Variants in NKX2-6 observed in about 807,000 individuals in gnomAD.
NKX2-6 encodes the protein NK2 homeobox 6.
Under a neutral mutation model 8.6 loss-of-function variants are expected in NKX2-6, and 8 were observed. That is an observed-to-expected ratio of 0.93 (90% CI 0.54 to 1.67). The LOEUF is 1.67. Among genes scored for constraint, NKX2-6 ranks in the 40% most tolerant of loss-of-function variants. The pLI, the probability that NKX2-6 is intolerant of heterozygous loss-of-function variation, is 0.00. For synonymous variants in NKX2-6, 210 were observed against 199.3 expected (o/e 1.05, Z -0.45); for missense variants, 475 against 423.1 (o/e 1.12, Z -1.08).
intron 1 of NKX2-6, among the ~76,000 whole-genome samples, 194 bp from the exon 2 acceptor site, chr8:23,703,276 T>G (rs1801038714): frequency 6.6e-6 from 1 of 152,208 alleles, no homozygotes. Flanking sequence ...CCCTCCAAGC[T>G]CTGTCACCTT....
Position 23,702,094 on chromosome 8 carries a change from G to A in NKX2-6, c.*357C>T, listed in dbSNP as rs893405773. Among the ~76,000 whole-genome samples, 3 of 152,158 alleles carry A rather than the reference G, an allele frequency of 2.0e-5. No homozygotes were observed. The highest frequency in any genetic ancestry group is 2.9e-5 in the Non-Finnish European group (2 of 68,030). ...CTCCATTCACCGCCGATGCCCCGGGGCTGCTGCGTACAGATGCAAGAGCCT... is the reference window on the plus strand; with the variant it reads ...CTCCATTCACCGCCGATGCCCCGGGACTGCTGCGTACAGATGCAAGAGCCT... On this transcript the variant is annotated 3_prime_UTR_variant, in exon 2 of 2. Coordinates refer to ENST00000325017, the MANE Select transcript of NKX2-6 (RefSeq NM_001136271.3).
intron 1 of NKX2-6, among the ~76,000 whole-genome samples, chr8:23,705,348 G>A (rs1326276881): frequency 6.6e-6 from 1 of 152,192 alleles, no homozygotes; most frequent in Admixed American, 6.5e-5. Flanking sequence ...TATTTCTTTC[G>A]TTCGCGCCTT....
At position 23,706,693 on chromosome 8, in the gene NKX2-6, A is replaced by T; in HGVS notation, c.-95T>A. On this transcript the variant is annotated 5_prime_UTR_variant, in exon 1 of 2. Transcript: ENST00000325017. ...CGCTGCAGGCCCCGCAGACAGACCC[A>T]AGCTCTGGGACAGACGCCCAGCGTC... is the stretch of plus-strand genomic sequence containing the variant. 1 of 1,342,762 alleles carries T rather than the reference A, an allele frequency of 7.4e-7. No homozygotes were observed. Among genetic ancestry groups the T allele is most frequent in the Non-Finnish European group, 1.0e-6 (1 of 1,000,502 alleles). The allele number at this position is 1,342,762 out of a possible 1,614,324, so 83.2% of individuals were successfully genotyped here. A position where few individuals can be genotyped will look rare whatever the true frequency, so the allele number is the denominator to read the frequency against.
At chr8:23,703,156 A>G in intron 1 of NKX2-6, 74 bp from the exon 2 acceptor site, 1 of 1,465,134 alleles carries the variant, frequency 6.8e-7, no homozygotes. Context: ...AGTTTTCAAG[A>G]CTTTCCTCTC....
rs1801091028 is a variant in NKX2-6, at chr8:23,706,391, A to C, written c.208T>G (p.Ser70Ala). 1 of 1,551,178 alleles carries C rather than the reference A, an allele frequency of 6.4e-7. No individual in the cohort carries two copies. ...TCACAGGGACCCCCAGGAGGCTCCGAACCATCCAGCTTTCTGTCACCGCCG... is the reference window on the plus strand; with the variant it reads ...TCACAGGGACCCCCAGGAGGCTCCGCACCATCCAGCTTTCTGTCACCGCCG... ...GGGGDRKLDG[S>A]EPPGGPCEAV... Residue 70 changes from serine (S) to alanine (A), a missense_variant, in exon 1 of 2, where the codon TCG (serine) becomes GCG (alanine). Coordinates refer to ENST00000325017, the MANE Select transcript of NKX2-6 (RefSeq NM_001136271.3).
In NKX2-6 at chr8:23,702,963, G is replaced by A. The variant is rs1234010580; in HGVS notation, c.394C>T (p.Arg132Ter). The change falls in exon 2 of 2, where the codon CGA (arginine) becomes TGA (stop). Residue 132 changes from arginine to a stop codon, truncating the protein, a stop_gained. Transcript: ENST00000325017. LOFTEE classifies it low-confidence loss of function (END_TRUNC). ...GRSEQPKARQ[R>*]RKPRVLFSQA... ...GAAAAGAGCACGCGCGGCTTCCGTC[G>A]TTGCCGCGCCTTGGGCTGCTCCGAG... 1 of 1,546,432 alleles carries A rather than the reference G, an allele frequency of 6.5e-7. No individual in the cohort carries two copies.
At position 23,702,694 on chromosome 8, in the gene NKX2-6, C is replaced by A. The variant is rs1216876728; in HGVS notation, c.663G>T (p.Leu221=). ...PVLVRDGKPC[L]GPGPGAPAFP... ...AGGCAGGTGCGCCGGGCCCGGGGCC[C>A]AGGCAGGGCTTGCCATCGCGCACCA... The change falls in exon 2 of 2, where the codon CTG becomes CTT. Residue 221 remains leucine (L), a synonymous_variant. Transcript: ENST00000325017. The A allele has an allele frequency of 1.4e-5, 21 of 1,551,132 alleles. No individual in the cohort carries two copies. Among genetic ancestry groups the A allele is most frequent in the Non-Finnish European group, 8.7e-7 (1 of 1,146,778 alleles).
At chr8:23,704,146 G>T (rs1029910160) in intron 1 of NKX2-6, among the ~76,000 whole-genome samples, 1 of 152,216 alleles carries the variant, frequency 6.6e-6, no homozygotes, top group Non-Finnish European at 1.5e-5. Flanking sequence ...TGGATGTGAT[G>T]CTTTGTAATC....
In NKX2-6 at chr8:23,703,054, G is replaced by A. The variant is rs1165176375; in HGVS notation, c.303C>T (p.Leu101=). The A allele has an allele frequency of 3.2e-6, 5 of 1,540,232 alleles. No individual in the cohort carries two copies. Among genetic ancestry groups the A allele is most frequent in the Non-Finnish European group, 4.4e-6 (5 of 1,146,180 alleles). ...GCTCTGGCACCCTGGTCCCGCCGCC[G>A]AGGGGCGAGGCCGCGTTCAGGCCGG... ...PQPGLNAASP[L]GGGTRVPERG... Residue 101 remains leucine (L), a synonymous_variant, in exon 2 of 2, where the codon CTC becomes CTT. Coordinates refer to ENST00000325017, the MANE Select transcript of NKX2-6 (RefSeq NM_001136271.3).
chr8:23,705,176 G>A (rs907807411), intron 1 of NKX2-6, among the ~76,000 whole-genome samples: 1 of 152,278 alleles, frequency 6.6e-6, no homozygotes, highest in African/African-American at 2.4e-5. Flanking sequence ...CGGAGCCGAA[G>A]TGATCGCCGA....
At position 23,702,368 on chromosome 8, in the gene NKX2-6, C is replaced by T; in HGVS notation, c.*83G>A. 1 of 1,365,686 alleles carries T rather than the reference C, an allele frequency of 7.3e-7. No individual in the cohort carries two copies. Among genetic ancestry groups the T allele is most frequent in the Non-Finnish European group, 9.6e-7 (1 of 1,041,720 alleles). The allele number at this position is 1,365,686 out of a possible 1,614,324, so 84.6% of individuals were successfully genotyped here. ...GGGTAGCAGCTTCCTTCCAGCGCCG[C>T]GTCCCCTCCTTGTCACGACCTGCGG... On this transcript the variant is annotated 3_prime_UTR_variant, in exon 2 of 2. Coordinates refer to ENST00000325017, the MANE Select transcript of NKX2-6 (RefSeq NM_001136271.3).
Position 23,702,889 on chromosome 8 carries a change from G to T in NKX2-6, c.468C>A (p.Tyr156Ter), listed in dbSNP as rs750361656. 1 of 1,556,714 alleles carries T rather than the reference G, an allele frequency of 6.4e-7. No homozygotes were observed. The highest frequency in any genetic ancestry group is 1.9e-5 in the Admixed American group (1 of 51,362). The stretch of plus-strand genomic sequence containing the variant: ...GGTGCTCGCGCTCGGGCGCTGACAG[G>T]TACCGCTGCTGCTTGAAGCGCCGCT... ...ALERRFKQQR[Y>*]LSAPEREHLA... The change falls in exon 2 of 2, where the codon TAC (tyrosine) becomes TAA (stop). Residue 156 changes from tyrosine (Y) to a stop codon, truncating the protein, a stop_gained. Coordinates refer to ENST00000325017, the MANE Select transcript of NKX2-6 (RefSeq NM_001136271.3). LOFTEE classifies it low-confidence loss of function (END_TRUNC).
In NKX2-6 at chr8:23,702,701, G is replaced by A. The variant is rs1416491367; in HGVS notation, c.656C>T (p.Pro219Leu). The A allele has an allele frequency of 5.2e-6, 8 of 1,551,314 alleles. No individual in the cohort carries two copies. The highest frequency in any genetic ancestry group is 2.4e-5 in the East Asian group (1 of 40,910). The change falls in exon 2 of 2, where the codon CCC (proline) becomes CTC (leucine). Residue 219 changes from proline (P) to leucine (L), a missense_variant. Coordinates refer to ENST00000325017, the MANE Select transcript of NKX2-6 (RefSeq NM_001136271.3). ...AVPVLVRDGK[P>L]CLGPGPGAPA... Reference sequence around the variant, plus strand: ...TGCGCCGGGCCCGGGGCCCAGGCAGGGCTTGCCATCGCGCACCAGGACGGG... The same window carrying A: ...TGCGCCGGGCCCGGGGCCCAGGCAGAGCTTGCCATCGCGCACCAGGACGGG...
In NKX2-6 at chr8:23,702,406, G is replaced by C; in HGVS notation, c.*45C>G. The C allele has an allele frequency of 7.0e-7, 1 of 1,425,230 alleles. No homozygotes were observed. The allele number at this position is 1,425,230 out of a possible 1,614,324, so 88.3% of individuals were successfully genotyped here. Reference sequence around the variant, plus strand: ...TCACGACCTGCGGGCGGAGGGGAAGGGAACGAGCATCTGGCCCTGGTTGGC... The same window carrying C: ...TCACGACCTGCGGGCGGAGGGGAAGCGAACGAGCATCTGGCCCTGGTTGGC... On this transcript the variant is annotated 3_prime_UTR_variant, in exon 2 of 2. Transcript: ENST00000325017.
chr8:23,703,363 CTAGA>C (rs1801040223), intron 1 of NKX2-6, among the ~76,000 whole-genome samples: 2 of 152,288 alleles, frequency 1.3e-5, no homozygotes, highest in African/African-American at 4.8e-5. Context: ...AAGGTAGACT[CTAGA>C]TAAAGAGTTA....
chr8:23,705,754 G>A (rs1052954433), intron 1 of NKX2-6, among the ~76,000 whole-genome samples: 2 of 152,210 alleles, frequency 1.3e-5, no homozygotes, highest in Admixed American at 1.3e-4. Flanking sequence ...CTTCCACTTC[G>A]GGAGACTCAA....
intron 1 of NKX2-6, among the ~76,000 whole-genome samples, chr8:23,705,692 C>G (rs1398209554): frequency 6.6e-6 from 1 of 152,246 alleles, no homozygotes; most frequent in Non-Finnish European, 1.5e-5. Context: ...AGAGAAAACC[C>G]TGGCAACCTT....
At position 23,702,762 on chromosome 8, in the gene NKX2-6, C is replaced by T. The variant is rs1290495969; in HGVS notation, c.595G>A (p.Ala199Thr). The change falls in exon 2 of 2, where the codon GCT becomes ACT. Residue 199 changes from alanine (A) to threonine (T), a missense_variant. Physicochemically the swap from Ala to Thr is moderately conservative, Grantham distance 58 (BLOSUM62 0). Transcript: ENST00000325017. The stretch of plus-strand genomic sequence containing the variant: ...CGGCGCGGCGTTAGAGGGTGGCCAG[C>T]CAGTTCCAGCGACTTGTCCTGGCGC... ...RQRQDKSLEL[A>T]GHPLTPRRVA... 6.4e-7 allele frequency: 1 copy of T among 1,554,016 alleles called. No homozygotes were observed. The highest frequency in any genetic ancestry group is 2.4e-5 in the East Asian group (1 of 41,192).
rs1335340501 is a variant in NKX2-6 at position 23,706,602 on chromosome 8, G to A, written c.-4C>T. ...AGGTGACGGGGCTCAGCAGCATCCC[G>A]AAGGCGGATGGGGCGGGGCCGAGGA... On this transcript the variant is annotated 5_prime_UTR_variant, in exon 1 of 2. Coordinates refer to ENST00000325017, the MANE Select transcript of NKX2-6 (RefSeq NM_001136271.3). 1.3e-6 allele frequency: 2 copies of A among 1,533,696 alleles called. No individual in the cohort carries two copies. The highest frequency in any genetic ancestry group is 2.4e-5 in the East Asian group (1 of 40,882).
Sources: gnomAD v4.1 joint callset for allele counts (sites outside exome capture counted in the v4.1 genomes callset) on GRCh38, gnomAD v4.1.1 for gene constraint, MANE v1.5 for transcripts, NCBI Gene and HGNC (gene_info 2026-07-23, HGNC 2026-07-21) for gene names.